Variants in RPS6KA5 observed in about 807,000 individuals in gnomAD.
The protein encoded by RPS6KA5 is ribosomal protein S6 kinase alpha-5.
A neutral mutation model predicts 85.5 loss-of-function variants in RPS6KA5; 27 were observed. The ratio of observed to expected loss-of-function variants is 0.32; its 90% CI spans 0.23 to 0.44. RPS6KA5 has a LOEUF of 0.44. Ranked by LOEUF, RPS6KA5 falls within the 20% of genes least tolerant of loss-of-function variation. The probability of loss-of-function intolerance (pLI) is 1.00; values close to 1 mark genes in which losing one functional copy is unlikely to be tolerated. For missense variants in RPS6KA5, 811 were observed against 980.9 expected (o/e 0.83, Z 2.31); for synonymous variants, 334 against 348.2 (o/e 0.96, Z 0.46).
intron 3 of RPS6KA5, among the ~76,000 whole-genome samples, chr14:90,969,300 C>G (rs896257577): frequency 6.6e-6 from 1 of 152,182 alleles, no homozygotes; most frequent in Non-Finnish European, 1.5e-5. Context: ...TTCTGACTTT[C>G]TAAGTACATA....
chr14:91,011,089 A>G (rs1167707722), intron 1 of RPS6KA5, among the ~76,000 whole-genome samples: 1 of 152,226 alleles, frequency 6.6e-6, no homozygotes, highest in East Asian at 1.9e-4. Context: ...CACCTTACGA[A>G]ATACAAATCA....
At chr14:91,000,565 A>C (rs2040741509) in intron 2 of RPS6KA5, among the ~76,000 whole-genome samples, 1 of 152,130 alleles carries the variant, frequency 6.6e-6, no homozygotes, top group African/African-American at 2.4e-5. Context: ...GGGAGGCAGA[A>C]GAGGGCGGAT....
chr14:91,002,605 A>T (rs1300368733), intron 1 of RPS6KA5, among the ~76,000 whole-genome samples: 1 of 152,182 alleles, frequency 6.6e-6, no homozygotes, highest in South Asian at 2.1e-4. Context: ...AAATAATTTC[A>T]ATGTCTTTCC....
Position 90,983,817 on chromosome 14 carries a change from GTC to G in RPS6KA5, c.176-5295_176-5294del, listed in dbSNP as rs531667852. Among the ~76,000 whole-genome samples the G allele has an allele frequency of 5.3e-3, 588 of 111,068 alleles. 4 individuals carry two copies. The highest frequency in any genetic ancestry group is 0.019 in the African/African-American group (499 of 26,736). The allele number at this position is 111,068 out of a possible 152,430, so 72.9% of individuals were successfully genotyped here. A position where few individuals can be genotyped will look rare whatever the true frequency, so the allele number is the denominator to read the frequency against. ...TCTCTCTCTCTCTCTCTCTCTCTCT[GTC>G]TCTCTCTCTCTCTCTCTCTCTTTCT... On this transcript the variant is annotated intron_variant, in intron 2 of 16. Coordinates refer to ENST00000614987, the MANE Select transcript of RPS6KA5 (RefSeq NM_004755.4).
Position 90,978,639 on chromosome 14 carries a change from AC to A in RPS6KA5, c.176-116del, listed in dbSNP as rs1323140949. 1.1e-5 allele frequency: 8 copies of A among 698,332 alleles called. No individual in the cohort carries two copies. In the Admixed American group the frequency reaches 1.3e-4, roughly 11 times the overall value. 43.3% of individuals were successfully genotyped at this position (698,332 alleles called of 1,614,324 possible). A position where few individuals can be genotyped will look rare whatever the true frequency, so the allele number is the denominator to read the frequency against. On this transcript the variant is annotated intron_variant, in intron 2 of 16. Transcript: ENST00000614987. ...AAATACACTCTTTAAAGGAAAAAGTACCCTTGGTACCAGTTCAAATAGTTAT... is the reference window on the plus strand; with the variant it reads ...AAATACACTCTTTAAAGGAAAAAGTACCTTGGTACCAGTTCAAATAGTTAT...
intron 5 of RPS6KA5, among the ~76,000 whole-genome samples, chr14:90,941,059 T>C (rs1238354263): frequency 6.6e-6 from 1 of 152,120 alleles, no homozygotes; most frequent in Non-Finnish European, 1.5e-5. Context: ...CAAATAAAAG[T>C]GATCATCAAA....
At chr14:91,048,341 C>G (rs942400777) in intron 1 of RPS6KA5, among the ~76,000 whole-genome samples, 2 of 152,004 alleles carry the variant, frequency 1.3e-5, no homozygotes, top group African/African-American at 4.8e-5. Flanking sequence ...GCAGTTTTTG[C>G]CAAAAACACA....
intron 1 of RPS6KA5, among the ~76,000 whole-genome samples, chr14:91,046,723 T>C (rs537868525): frequency 1.3e-5 from 2 of 152,338 alleles, no homozygotes; most frequent in South Asian, 2.1e-4. Context: ...TCCACCCTTT[T>C]ACCTCTAGCA....
chr14:90,979,590 T>C (rs1050630494), intron 2 of RPS6KA5, among the ~76,000 whole-genome samples: 9 of 152,232 alleles, frequency 5.9e-5, no homozygotes, highest in Non-Finnish European at 1.3e-4. Flanking sequence ...GGAAGGGCTC[T>C]TGTACTCCGT....
chr14:90,963,804 C>G (rs192759148), intron 3 of RPS6KA5, among the ~76,000 whole-genome samples: 4 of 152,206 alleles, frequency 2.6e-5, no homozygotes, highest in Admixed American at 2.0e-4. Context: ...ACCCAGCAAC[C>G]CAGAGTTGAG....
At chr14:90,982,796 T>G (rs1221005733) in intron 2 of RPS6KA5, among the ~76,000 whole-genome samples, 1 of 151,150 alleles carries the variant, frequency 6.6e-6, no homozygotes, top group Non-Finnish European at 1.5e-5. Context: ...CTCACCAACA[T>G]GGTGAAACCC....
At position 90,848,013 on chromosome 14, in the gene RPS6KA5, C is replaced by G. The variant is rs1363133344; in HGVS notation, c.*24061G>C. On this transcript the variant is annotated 3_prime_UTR_variant, in exon 17 of 17. Coordinates refer to ENST00000614987, the MANE Select transcript of RPS6KA5 (RefSeq NM_004755.4). Reference sequence around the variant, plus strand: ...CGGTCAAATTCCCGAAACATGAAAACATCACATTTCTACAATACATCTGCT... The same window carrying G: ...CGGTCAAATTCCCGAAACATGAAAAGATCACATTTCTACAATACATCTGCT... 6.6e-6 allele frequency: 1 copy of G among 152,166 alleles called. No individual in the cohort carries two copies. Among genetic ancestry groups the G allele is most frequent in the African/African-American group, 2.4e-5 (1 of 41,430 alleles). 9.4% of individuals were successfully genotyped at this position (152,166 alleles called of 1,614,324 possible).
intron 1 of RPS6KA5, among the ~76,000 whole-genome samples, chr14:91,021,228 A>T (rs1480468361): frequency 1.3e-5 from 2 of 152,136 alleles, no homozygotes; most frequent in East Asian, 3.9e-4. Context: ...TGACTCTTCC[A>T]CTTCTTCCAA....
rs932915207 is a variant in RPS6KA5, at chr14:90,951,116, C to T, written c.395-3566G>A. ...CCTGGGCCACAGAGAGAGACTCAGT[C>T]TCAAAAAAAAAAAAAAAAAAGAGAG... On this transcript the variant is annotated intron_variant, in intron 3 of 16. Coordinates refer to ENST00000614987, the MANE Select transcript of RPS6KA5 (RefSeq NM_004755.4). 6.2e-3 allele frequency among the ~76,000 whole-genome samples: 395 copies of T among 63,634 alleles called. 1 individual carries two copies. The highest frequency in any genetic ancestry group is 0.02 in the African/African-American group (371 of 18,724). 41.7% of individuals were successfully genotyped at this position (63,634 alleles called of 152,430 possible).
At chr14:91,048,375 C>T (rs190721125) in intron 1 of RPS6KA5, among the ~76,000 whole-genome samples, 3 of 152,262 alleles carry the variant, frequency 2.0e-5, no homozygotes, top group Admixed American at 2.0e-4. Flanking sequence ...AAGAAGCACA[C>T]CTACACAAAA....
chr14:90,856,114 G>A lies in RPS6KA5; in HGVS notation c.*15960C>T, dbSNP rs1273976231. 2 of 152,198 alleles carry A rather than the reference G, an allele frequency of 1.3e-5. No individual in the cohort carries two copies. Among genetic ancestry groups the A allele is most frequent in the Non-Finnish European group, 2.9e-5 (2 of 68,034 alleles). The allele number at this position is 152,198 out of a possible 1,614,324, so 9.4% of individuals were successfully genotyped here. The stretch of plus-strand genomic sequence containing the variant: ...ATCTGTCCGAGCACTACCCAATAAT[G>A]GGAAAAGTATGATTCCCAAGGAGGT... On this transcript the variant is annotated 3_prime_UTR_variant, in exon 17 of 17. Transcript: ENST00000614987.
intron 3 of RPS6KA5, among the ~76,000 whole-genome samples, chr14:90,953,511 G>A (rs752351276): frequency 1.3e-5 from 2 of 152,212 alleles, no homozygotes; most frequent in East Asian, 1.9e-4. Flanking sequence ...AACAAGGGAA[G>A]ATAACTATAA....
intron 8 of RPS6KA5, among the ~76,000 whole-genome samples, chr14:90,903,879 G>A (rs1390854097): frequency 6.6e-6 from 1 of 152,016 alleles, no homozygotes; most frequent in East Asian, 1.9e-4. Flanking sequence ...ACTGATTTCA[G>A]TGACAGTAAA....
intron 1 of RPS6KA5, among the ~76,000 whole-genome samples, chr14:91,049,124 T>A (rs1454065103): frequency 6.6e-6 from 1 of 152,192 alleles, no homozygotes; most frequent in Non-Finnish European, 1.5e-5. Context: ...TTTGACCCAT[T>A]AGATCATTTT....
Sources: allele counts gnomAD v4.1 joint callset (sites outside exome capture counted in the v4.1 genomes callset), GRCh38; gene constraint gnomAD v4.1.1; transcripts MANE v1.5; gene names NCBI Gene and HGNC (gene_info 2026-07-23, HGNC 2026-07-21).